GABBR2: variants seen among roughly 807,000 people sequenced by gnomAD.
GABBR2 encodes the protein G-protein coupled receptor 51.
Under a neutral mutation model 105.6 loss-of-function variants are expected in GABBR2, and 23 were observed. That is an observed-to-expected ratio of 0.22 (90% CI 0.16 to 0.31). The LOEUF is 0.31. Among genes scored for constraint, GABBR2 ranks in the 10% least tolerant of loss-of-function variants. GABBR2 has a pLI of 1.00. For missense variants in GABBR2, 734 were observed against 1,245.5 expected, an observed-to-expected ratio of 0.59 and a Z score of 6.18; for synonymous variants, 478 against 499.7, an observed-to-expected ratio of 0.96 and a Z score of 0.58.
At chr9:98,647,583 C>T (rs1050047154) in intron 1 of GABBR2, among the ~76,000 whole-genome samples, 3 of 152,168 alleles carry the variant, frequency 2.0e-5, no homozygotes, top group Non-Finnish European at 4.4e-5. Flanking sequence ...AACCTGGCCC[C>T]GAGCCTGGCA....
At chr9:98,463,124 A>G (rs1487741126) in intron 6 of GABBR2, among the ~76,000 whole-genome samples, 1 of 152,180 alleles carries the variant, frequency 6.6e-6, no homozygotes, top group Non-Finnish European at 1.5e-5. Context: ...CCTGACCTCA[A>G]GTGATTCACC....
Position 98,658,584 on chromosome 9 carries a change from C to CA in GABBR2, c.321+49832dup, listed in dbSNP as rs546186636. Among the ~76,000 whole-genome samples the CA allele has an allele frequency of 6.4e-3, 977 of 152,360 alleles. 8 individuals are homozygous for CA. Among genetic ancestry groups the CA allele is most frequent in the South Asian group, 0.012 (58 of 4,820 alleles). On this transcript the variant is annotated intron_variant, in intron 1 of 18. Coordinates refer to ENST00000259455, the MANE Select transcript of GABBR2 (RefSeq NM_005458.8). ...TCCAGAGGCGGAACCAGCACTCTCACACAAAGACCAGTCCTTATTCAATGT... is the reference window on the plus strand; with the variant it reads ...TCCAGAGGCGGAACCAGCACTCTCACAACAAAGACCAGTCCTTATTCAATGT...
chr9:98,514,765 G>A (rs377269001), intron 3 of GABBR2, among the ~76,000 whole-genome samples: 6 of 151,464 alleles, frequency 4.0e-5, no homozygotes, highest in African/African-American at 7.3e-5. Flanking sequence ...AAATCTGCAC[G>A]TTGTGCACAT....
intron 13 of GABBR2, among the ~76,000 whole-genome samples, chr9:98,356,069 G>C (rs185426913): frequency 1.3e-5 from 2 of 152,114 alleles, no homozygotes; most frequent in South Asian, 2.1e-4. Context: ...TGGGTCACAG[G>C]CCTAAATGTT....
At chr9:98,560,684 C>T (rs1295440080) in intron 2 of GABBR2, among the ~76,000 whole-genome samples, 1 of 150,408 alleles carries the variant, frequency 6.6e-6, no homozygotes, top group Non-Finnish European at 1.5e-5. Context: ...GGAATACTTT[C>T]ACTTAGATTC....
In GABBR2 at chr9:98,404,395, C is replaced by T. The variant is rs568063156; in HGVS notation, c.1297+1686G>A. Among the ~76,000 whole-genome samples the T allele has an allele frequency of 9.5e-4, 145 of 152,286 alleles. 3 individuals are homozygous for T. The South Asian group carries it at 0.026, about 28-fold the overall frequency. On this transcript the variant is annotated intron_variant, in intron 8 of 18. Transcript: ENST00000259455. ...ATGTCTACAAGATTGCATTACAGAG[C>T]GATAGCGCTGAAGAACACCTCTCCT...
At chr9:98,654,972 G>C (rs1219248702) in intron 1 of GABBR2, among the ~76,000 whole-genome samples, 2 of 152,168 alleles carry the variant, frequency 1.3e-5, no homozygotes, top group Admixed American at 6.5e-5. Flanking sequence ...TTAAATGCAT[G>C]TTGAATGAAA....
At chr9:98,702,341 G>T (rs1830840929) in intron 1 of GABBR2, among the ~76,000 whole-genome samples, 1 of 151,864 alleles carries the variant, frequency 6.6e-6, no homozygotes, top group South Asian at 2.1e-4. Context: ...TCTCAGTGCT[G>T]CCCGTTCTTC....
chr9:98,508,111 TG>T (rs1331887711), intron 3 of GABBR2, among the ~76,000 whole-genome samples: 1 of 152,164 alleles, frequency 6.6e-6, no homozygotes, highest in African/African-American at 2.4e-5. Context: ...ACAAAAACAC[TG>T]GGTATTAATA....
intron 7 of GABBR2, among the ~76,000 whole-genome samples, chr9:98,436,346 A>ATATATATAT (rs1825913340): frequency 5.2e-5 from 1 of 19,356 alleles, no homozygotes; most frequent in East Asian, 1.6e-3. Context: ...ACACACACAC[A>ATATATATAT]CCATATATAT....
intron 7 of GABBR2, among the ~76,000 whole-genome samples, chr9:98,447,063 C>CTTTTTTTTTTTTTTTTTTTTTTTT (rs369338702): frequency 5.2e-5 from 6 of 116,332 alleles, no homozygotes; most frequent in African/African-American, 2.1e-4. Context: ...AAAAAGACTT[C>CTTTTTTTTTTTTTTTTTTTTTTTT]TTTTTTTTTT....
intron 3 of GABBR2, among the ~76,000 whole-genome samples, chr9:98,517,640 T>C (rs905531307): frequency 1.3e-5 from 2 of 152,198 alleles, no homozygotes; most frequent in Non-Finnish European, 2.9e-5. Context: ...ATCCAACTAG[T>C]ATAATATCTC....
At chr9:98,420,263 C>G (rs552957029) in intron 7 of GABBR2, among the ~76,000 whole-genome samples, 3 of 152,152 alleles carry the variant, frequency 2.0e-5, no homozygotes, top group Non-Finnish European at 4.4e-5. Context: ...AGCAGAGGAG[C>G]CCCTCCGTTG....
intron 13 of GABBR2, among the ~76,000 whole-genome samples, chr9:98,322,282 G>C (rs1171188359): frequency 6.6e-6 from 1 of 152,070 alleles, no homozygotes; most frequent in Non-Finnish European, 1.5e-5. Context: ...GTCTGCCCAG[G>C]TGAGACCAGA....
intron 3 of GABBR2, among the ~76,000 whole-genome samples, chr9:98,532,293 TG>T (rs1051391448): frequency 4.6e-5 from 7 of 152,178 alleles, no homozygotes; most frequent in African/African-American, 1.7e-4. Context: ...CCCACAGGCC[TG>T]GCCCCTTGCA....
intron 1 of GABBR2, among the ~76,000 whole-genome samples, chr9:98,697,063 GT>G (rs1451055468): frequency 6.6e-6 from 1 of 152,168 alleles, no homozygotes. Context: ...GAAGATGGTG[GT>G]TTACTCAGAG....
chr9:98,388,769 A>G lies in GABBR2; in HGVS notation c.1529+85T>C. The G allele has an allele frequency of 9.5e-7, 1 of 1,056,902 alleles. No individual in the cohort carries two copies. The highest frequency in any genetic ancestry group is 1.4e-6 in the Non-Finnish European group (1 of 729,154). 65.5% of individuals were successfully genotyped at this position (1,056,902 alleles called of 1,614,324 possible). On this transcript the variant is annotated intron_variant, in intron 10 of 18. Transcript: ENST00000259455. This position sits in a 1 kb window ranked among gnomAD's most constrained non-coding sequence, Gnocchi z 4.4. Reference sequence around the variant, plus strand: ...CTGCAGACTTCTGTGTCCCTGGGGAATCTGTCATGTGGCACTCCTATACTG... The same window carrying G: ...CTGCAGACTTCTGTGTCCCTGGGGAGTCTGTCATGTGGCACTCCTATACTG...
intron 1 of GABBR2, among the ~76,000 whole-genome samples, chr9:98,585,490 G>A (rs1278300622): frequency 3.2e-5 from 4 of 126,666 alleles, no homozygotes; most frequent in African/African-American, 5.9e-5. Flanking sequence ...GGGGACTGGC[G>A]TAGGGTGGGG....
At chr9:98,667,742 A>C (rs1564146274) in intron 1 of GABBR2, among the ~76,000 whole-genome samples, 1 of 152,172 alleles carries the variant, frequency 6.6e-6, no homozygotes. Context: ...TCCTGCACGC[A>C]CATCTGTTTG....
Sources: allele counts gnomAD v4.1 joint callset (sites outside exome capture counted in the v4.1 genomes callset), GRCh38; gene constraint gnomAD v4.1.1; non-coding constraint Gnocchi (gnomAD v3.1); transcripts MANE v1.5; gene names NCBI Gene and HGNC (gene_info 2026-07-23, HGNC 2026-07-21).